NAA20: variants seen among roughly 807,000 people sequenced by gnomAD.
The protein encoded by NAA20 is N-alpha-acetyltransferase 20.
Under a neutral mutation model 23.8 loss-of-function variants are expected in NAA20, and 24 were observed. The ratio of observed to expected loss-of-function variants is 1.01; its 90% CI spans 0.73 to 1.42. The LOEUF (loss-of-function observed/expected upper bound fraction) is 1.42, where lower values mean the gene tolerates loss of function less well. Ranked by LOEUF, NAA20 falls within the 40% of genes most tolerant of loss-of-function variation. NAA20 has a pLI of 0.00. For synonymous variants in NAA20, 83 were observed against 77.7 expected (o/e 1.07, Z -0.36); for missense variants, 166 against 223.1 (o/e 0.74, Z 1.63).
intron 4 of NAA20, among the ~76,000 whole-genome samples, chr20:20,029,085 T>C (rs2043325355): frequency 6.6e-6 from 1 of 152,082 alleles, no homozygotes; most frequent in African/African-American, 2.4e-5. Context: ...CCCACCACCA[T>C]GCACGGCCAG....
chr20:20,025,916 T>G, intron 3 of NAA20, 149 bp downstream of exon 3: 1 of 667,382 alleles, frequency 1.5e-6, no homozygotes, highest in Non-Finnish European at 2.7e-6. Context: ...GATCTCTGTT[T>G]TGGGCACTGT....
intron 4 of NAA20, among the ~76,000 whole-genome samples, chr20:20,031,669 G>A (rs2043344655): frequency 6.6e-6 from 1 of 152,106 alleles, no homozygotes; most frequent in South Asian, 2.1e-4. Context: ...ACATTACACA[G>A]TATTGAATAT....
intron 4 of NAA20, among the ~76,000 whole-genome samples, chr20:20,031,441 T>C (rs2043343076): frequency 6.6e-6 from 1 of 152,134 alleles, no homozygotes; most frequent in South Asian, 2.1e-4. Context: ...TCCAGATTTA[T>C]TAAAAACCTA....
At position 20,017,824 on chromosome 20, in the gene NAA20, C is replaced by G. The variant is rs1458455282; in HGVS notation, c.53+375C>G. 2.7e-5 allele frequency: 40 copies of G among 1,496,778 alleles called. No homozygotes were observed. In the Admixed American group the frequency reaches 6.4e-4, roughly 24 times the overall value. The allele number at this position is 1,496,778 out of a possible 1,614,324, so 92.7% of individuals were successfully genotyped here. On this transcript the variant is annotated intron_variant, in intron 1 of 5. Transcript: ENST00000334982. ...CCACGACCTGGGCTTCTCGCCCTGC[C>G]CTACTGCTTGCTGGTTCGTGGCCGG...
At chr20:20,026,974 C>A (rs1384073607) in intron 4 of NAA20, 55 bp downstream of exon 4, 5 of 1,608,536 alleles carry the variant, frequency 3.1e-6, no homozygotes, top group South Asian at 2.2e-5. Context: ...TAACCATTTT[C>A]TTCCCCTTCA....
chr20:20,017,291 G>T (rs1032045372), upstream of NAA20: 70 of 1,468,006 alleles, frequency 4.8e-5, no homozygotes, highest in Non-Finnish European at 6.0e-5. Context: ...TAGCCCGGAA[G>T]CAGTACCCCG....
At chr20:20,017,654 C>G (rs2043240618) in intron 1 of NAA20, 1 of 1,358,778 alleles carries the variant, frequency 7.4e-7, no homozygotes. Context: ...CGCACGCCGG[C>G]CTTGGCGACC....
At chr20:20,020,091 A>G (rs563866507) in intron 1 of NAA20, among the ~76,000 whole-genome samples, 1 of 152,368 alleles carries the variant, frequency 6.6e-6, no homozygotes, top group East Asian at 1.9e-4. Context: ...TGAACAAGAC[A>G]TAAACAAAAA....
At chr20:20,021,204 A>G (rs984877313) in intron 1 of NAA20, among the ~76,000 whole-genome samples, 2 of 152,162 alleles carry the variant, frequency 1.3e-5, no homozygotes, top group African/African-American at 4.8e-5. Context: ...GACTCCCTGC[A>G]CTGTATTAGA....
chr20:20,017,635 TG>T, intron 1 of NAA20, 186 bp downstream of exon 1: 1 of 1,315,390 alleles, frequency 7.6e-7, no homozygotes. Context: ...GAGGTGGGCC[TG>T]GAGTCGACGC....
intron 1 of NAA20, among the ~76,000 whole-genome samples, chr20:20,020,236 C>T (rs925933578): frequency 4.6e-5 from 7 of 152,032 alleles, no homozygotes; most frequent in South Asian, 2.1e-4. Context: ...AATCACAGTG[C>T]GGGGAGTCAT....
chr20:20,022,265 GTGGC>G (rs1260727564), intron 1 of NAA20, among the ~76,000 whole-genome samples, 187 bp from the exon 2 acceptor site: 1 of 152,186 alleles, frequency 6.6e-6, no homozygotes, highest in Non-Finnish European at 1.5e-5. Context: ...CACCTTAATA[GTGGC>G]TGTGACAGCT....
chr20:20,026,990 A>AATAACTGTCATGCTTT (rs2043311134), intron 4 of NAA20, 71 bp downstream of exon 4: 5 of 1,583,682 alleles, frequency 3.2e-6, no homozygotes, highest in Non-Finnish European at 4.3e-6. Flanking sequence ...CTTCAGGCTG[A>AATAACTGTCATGCTTT]ATAACTGTCA....
intron 1 of NAA20, 37 bp downstream of exon 1, chr20:20,017,486 C>T (rs767774325): frequency 3.2e-6 from 5 of 1,570,390 alleles, no homozygotes; most frequent in Middle Eastern, 1.7e-4. Context: ...CGCTCTTGGC[C>T]GGGCCTCGCT....
At chr20:20,030,102 G>A (rs957195037) in intron 4 of NAA20, among the ~76,000 whole-genome samples, 1 of 152,016 alleles carries the variant, frequency 6.6e-6, no homozygotes, top group Non-Finnish European at 1.5e-5. Flanking sequence ...AAACTATTTT[G>A]CACAAGCCAA....
Position 20,033,349 on chromosome 20 carries a change from C to A in NAA20, c.*162C>A. The A allele has an allele frequency of 1.7e-6, 1 of 594,846 alleles. No individual in the cohort carries two copies. Among genetic ancestry groups the A allele is most frequent in the Non-Finnish European group, 2.9e-6 (1 of 347,638 alleles). The allele number at this position is 594,846 out of a possible 1,614,324, so 36.8% of individuals were successfully genotyped here. A position where few individuals can be genotyped will look rare whatever the true frequency, so the allele number is the denominator to read the frequency against. ...AATTTATTTTAAATCTCATTGTTTC[C>A]AGTTAGCAATATCATACCTATTAAA... On this transcript the variant is annotated 3_prime_UTR_variant, in exon 6 of 6. Coordinates refer to ENST00000334982, the MANE Select transcript of NAA20 (RefSeq NM_016100.5).
At chr20:20,018,901 A>C (rs2043249861) in intron 1 of NAA20, 2 of 985,320 alleles carry the variant, frequency 2.0e-6, no homozygotes, top group African/African-American at 3.5e-5. Flanking sequence ...ACTTCATCCA[A>C]GGATATTGGC....
At chr20:20,017,899 G>T (rs571655329) in intron 1 of NAA20, 3 of 1,598,704 alleles carry the variant, frequency 1.9e-6, no homozygotes, top group South Asian at 1.1e-5. Context: ...GGCCGCAGAG[G>T]GGGCTTGCGA....
chr20:20,017,484 G>T, intron 1 of NAA20, 35 bp downstream of exon 1: 1 of 1,570,610 alleles, frequency 6.4e-7, no homozygotes, highest in Non-Finnish European at 8.6e-7. Context: ...GCCGCTCTTG[G>T]CCGGGCCTCG....
Sources: gnomAD v4.1 joint callset for allele counts (sites outside exome capture counted in the v4.1 genomes callset) on GRCh38, gnomAD v4.1.1 for gene constraint, MANE v1.5 for transcripts, NCBI Gene and HGNC (gene_info 2026-07-23, HGNC 2026-07-21) for gene names.